The following PMP22 variants were observed in gnomAD, a reference collection of about 807,000 sequenced individuals.
The protein encoded by PMP22 is peripheral myelin protein 22, also known as Charcot-Marie-Tooth neuropathy 1A (greatly reduced nerve conduction velocity, hereditary motor sensory neuropathy Ia).
In PMP22, 2 loss-of-function variants were observed where a neutral mutation model predicts 18.9. That is an observed-to-expected ratio of 0.11 (90% CI 0.04 to 0.33). The LOEUF (loss-of-function observed/expected upper bound fraction) is 0.33. PMP22 is among the 10% of genes least tolerant of loss of function. The probability of loss-of-function intolerance (pLI) is 1.00; values close to 1 mark genes in which losing one functional copy is unlikely to be tolerated. For synonymous variants in PMP22, 95 were observed against 89.2 expected (o/e 1.07, Z -0.37); for missense variants, 169 against 202.2 (o/e 0.84, Z 1.00).
intron 3 of PMP22, among the ~76,000 whole-genome samples, chr17:15,255,303 T>C (rs1358042661): frequency 1.3e-5 from 2 of 152,208 alleles, no homozygotes; most frequent in Non-Finnish European, 2.9e-5. Flanking sequence ...GCCGAATGAC[T>C]ATATTTCTCA....
At chr17:15,253,711 C>T (rs983935530) in intron 3 of PMP22, among the ~76,000 whole-genome samples, 2 of 152,180 alleles carry the variant, frequency 1.3e-5, no homozygotes, top group Admixed American at 1.3e-4. Flanking sequence ...CTACGCCAAG[C>T]TCCTTCCCTC....
At chr17:15,236,401 C>T (rs539109019) in intron 4 of PMP22, among the ~76,000 whole-genome samples, 390 of 152,204 alleles carry the variant, frequency 2.6e-3, no homozygotes, top group Non-Finnish European at 4.7e-3. Flanking sequence ...GCTGGGCCCA[C>T]CAAGAGGAAG....
intron 3 of PMP22, among the ~76,000 whole-genome samples, chr17:15,257,018 A>C (rs1908894575): frequency 6.6e-6 from 1 of 152,228 alleles, no homozygotes; most frequent in Admixed American, 6.5e-5. Context: ...TGTTTTCAAA[A>C]TGCCCTGATT....
chr17:15,255,582 G>A (rs1339536587), intron 3 of PMP22, among the ~76,000 whole-genome samples: 2 of 152,126 alleles, frequency 1.3e-5, no homozygotes, highest in East Asian at 1.9e-4. Context: ...TTTGAAAAGA[G>A]AGAAAAATAA....
chr17:15,235,417 AG>A, intron 4 of PMP22: 1 of 685,722 alleles, frequency 1.5e-6, no homozygotes, highest in South Asian at 1.6e-5. Context: ...TCTTCCTTTT[AG>A]GTCTGTGTCT....
Position 15,230,109 on chromosome 17 carries a change from T to C in PMP22, c.*808A>G, listed in dbSNP as rs1462151910. The C allele has an allele frequency of 6.5e-6, 1 of 152,672 alleles. No individual in the cohort carries two copies. Among genetic ancestry groups the C allele is most frequent in the Non-Finnish European group, 1.5e-5 (1 of 68,054 alleles). 9.5% of individuals were successfully genotyped at this position (152,672 alleles called of 1,614,324 possible). ...GCAGCCTAGCTAGGTACAAAAGCAG[T>C]TATAAACCATTTATATTACACAGAA... is the stretch of plus-strand genomic sequence containing the variant. On this transcript the variant is annotated 3_prime_UTR_variant, in exon 5 of 5. Coordinates refer to ENST00000312280, the MANE Select transcript of PMP22 (RefSeq NM_000304.4).
intron 4 of PMP22, among the ~76,000 whole-genome samples, chr17:15,231,852 C>G (rs905442713): frequency 1.3e-5 from 2 of 152,210 alleles, no homozygotes; most frequent in African/African-American, 4.8e-5. Flanking sequence ...CCCTGGCCCA[C>G]CAATGCAGCC....
rs1909370988 is a variant in PMP22, at chr17:15,261,869, A to AGT, written c.-34-1109_-34-1108insAC. The AGT allele has an allele frequency of 6.6e-6, 1 of 152,160 alleles. No homozygotes were observed. Among genetic ancestry groups the AGT allele is most frequent in the African/African-American group, 2.4e-5 (1 of 41,426 alleles). 9.4% of individuals were successfully genotyped at this position (152,160 alleles called of 1,614,324 possible). On this transcript the variant is annotated intron_variant, in intron 1 of 4. Coordinates refer to ENST00000312280, the MANE Select transcript of PMP22 (RefSeq NM_000304.4). This position sits in a 1 kb window ranked among gnomAD's most constrained non-coding sequence, Gnocchi z 5.2. ...GAAAGATCTGGCTGAGACTCTGGGG[A>AGT]CCATTTTAGGCAGAGTCTTGGGCCA...
chr17:15,239,686 G>A, intron 3 of PMP22, 75 bp from the exon 4 acceptor site: 1 of 1,478,254 alleles, frequency 6.8e-7, no homozygotes, highest in Admixed American at 1.7e-5. Flanking sequence ...TGCAGGGCCT[G>A]AAGGGCCATG....
intron 1 of PMP22, among the ~76,000 whole-genome samples, chr17:15,263,015 T>C (rs371888305): frequency 2.6e-5 from 4 of 152,256 alleles, no homozygotes; most frequent in African/African-American, 9.6e-5. Flanking sequence ...GTCCCTCTCC[T>C]CTCGGGTCCT....
intron 4 of PMP22, among the ~76,000 whole-genome samples, chr17:15,234,074 G>A (rs1300992993): frequency 1.3e-5 from 2 of 152,166 alleles, no homozygotes; most frequent in Non-Finnish European, 2.9e-5. Flanking sequence ...GGTGCATGAG[G>A]AGGCCTTTGC....
chr17:15,247,734 C>A (rs564890583), intron 3 of PMP22, among the ~76,000 whole-genome samples: 2 of 152,106 alleles, frequency 1.3e-5, no homozygotes, highest in East Asian at 3.9e-4. Context: ...ATATCAAGTC[C>A]CACTCTGGGC....
At chr17:15,243,330 G>A (rs929684502) in intron 3 of PMP22, among the ~76,000 whole-genome samples, 2 of 152,124 alleles carry the variant, frequency 1.3e-5, no homozygotes, top group Non-Finnish European at 2.9e-5. Flanking sequence ...AACACTCAAA[G>A]TTATAAAGAT....
chr17:15,248,051 C>T lies in PMP22; in HGVS notation c.179-8440G>A, dbSNP rs1447042294. ...AGAAATAGCTGAGTCTCTGAAAGGC[C>T]TCCATCCTAAACAATGTGGCCTTTG... On this transcript the variant is annotated intron_variant, in intron 3 of 4. Transcript: ENST00000312280. 2.0e-5 allele frequency among the ~76,000 whole-genome samples: 3 copies of T among 152,328 alleles called. No individual in the cohort carries two copies. The South Asian group carries it at 6.2e-4, about 32-fold the overall frequency.
intron 3 of PMP22, chr17:15,251,727 G>A (rs1772841056): frequency 1.3e-5 from 2 of 152,124 alleles, no homozygotes; most frequent in Admixed American, 6.6e-5. Context: ...CTTCATCCCA[G>A]ACAGCCTTCT....
At chr17:15,232,430 T>C (rs1235341272) in intron 4 of PMP22, 1 of 152,182 alleles carries the variant, frequency 6.6e-6, no homozygotes, top group Non-Finnish European at 1.5e-5. Flanking sequence ...GGGTTAATTG[T>C]TGATTGCAGA....
intron 4 of PMP22, among the ~76,000 whole-genome samples, chr17:15,235,502 A>G (rs1472752353): frequency 6.6e-6 from 1 of 152,190 alleles, no homozygotes; most frequent in African/African-American, 2.4e-5. Flanking sequence ...AGATGGCTAT[A>G]GGTTCTGAAA....
intron 4 of PMP22, among the ~76,000 whole-genome samples, chr17:15,238,427 C>G (rs1421435521): frequency 6.6e-6 from 1 of 152,088 alleles, no homozygotes; most frequent in Non-Finnish European, 1.5e-5. Context: ...TTCTGACAAC[C>G]AACTCAGAGA....
At chr17:15,251,842 AT>A (rs2150696515) in intron 3 of PMP22, 1 of 151,896 alleles carries the variant, frequency 6.6e-6, no homozygotes, top group South Asian at 2.1e-4. Flanking sequence ...AATCTTGGGG[AT>A]ACAATTGAAG....
Sources: allele counts gnomAD v4.1 joint callset (sites outside exome capture counted in the v4.1 genomes callset), GRCh38; gene constraint gnomAD v4.1.1; non-coding constraint Gnocchi (gnomAD v3.1); transcripts MANE v1.5; gene names NCBI Gene and HGNC (gene_info 2026-07-23, HGNC 2026-07-21).